Variants in DYNC1I1 observed in about 807,000 individuals in gnomAD.
DYNC1I1 encodes dynein cytoplasmic 1 intermediate chain 1.
Under a neutral mutation model 86.6 loss-of-function variants are expected in DYNC1I1, and 43 were observed. The ratio of observed to expected loss-of-function variants is 0.50; its 90% CI spans 0.39 to 0.64. DYNC1I1 has a LOEUF of 0.64. Among genes scored for constraint, DYNC1I1 ranks in the 30% least tolerant of loss-of-function variants. DYNC1I1 has a pLI of 0.00. For synonymous variants in DYNC1I1, 262 were observed against 283.7 expected, an observed-to-expected ratio of 0.92 and a Z score of 0.77; for missense variants, 604 against 788.8, an observed-to-expected ratio of 0.77 and a Z score of 2.81.
At chr7:95,933,758 T>C (rs1315283337) in intron 6 of DYNC1I1, among the ~76,000 whole-genome samples, 1 of 152,128 alleles carries the variant, frequency 6.6e-6, no homozygotes, top group African/African-American at 2.4e-5. Flanking sequence ...TTAAAGTGAA[T>C]GAGACACCTG....
chr7:96,011,501 A>G (rs907366683), intron 10 of DYNC1I1, among the ~76,000 whole-genome samples: 15 of 152,188 alleles, frequency 9.9e-5, no homozygotes, highest in African/African-American at 3.4e-4. Context: ...TAAATAACCT[A>G]CTAGAACTAT....
chr7:95,980,841 T>C lies in DYNC1I1; in HGVS notation c.580+3240T>C, dbSNP rs1312453251. Reference sequence around the variant, plus strand: ...CAATACAACTGGGAACCTAACATTTTTGTAAATACAAATCAACTCATAAAC... The same window carrying C: ...CAATACAACTGGGAACCTAACATTTCTGTAAATACAAATCAACTCATAAAC... On this transcript the variant is annotated intron_variant, in intron 7 of 16. Transcript: ENST00000447467. Among the ~76,000 whole-genome samples the C allele has an allele frequency of 3.3e-5, 5 of 152,268 alleles. 1 individual carries two copies. In the South Asian group the frequency reaches 1.0e-3, roughly 32 times the overall value.
At chr7:95,898,228 T>C (rs1790938969) in intron 6 of DYNC1I1, among the ~76,000 whole-genome samples, 1 of 152,214 alleles carries the variant, frequency 6.6e-6, no homozygotes. Flanking sequence ...ATGATTTGAA[T>C]ATCAAACTTG....
chr7:96,106,534 T>C (rs1211979133), intron 16 of DYNC1I1, among the ~76,000 whole-genome samples: 1 of 151,784 alleles, frequency 6.6e-6, no homozygotes. Flanking sequence ...AAACCCTGTC[T>C]CAAAAAAAAG....
intron 6 of DYNC1I1, among the ~76,000 whole-genome samples, chr7:95,959,002 T>C (rs6943734): frequency 0.39 from 58,594 of 151,844 alleles, 12,201 homozygotes; most frequent in Non-Finnish European, 0.47. Context: ...AACTGAGGGG[T>C]CAGGGTAAAT....
chr7:96,074,875 C>T (rs954105650), intron 14 of DYNC1I1, among the ~76,000 whole-genome samples: 3 of 152,294 alleles, frequency 2.0e-5, no homozygotes, highest in Admixed American at 1.3e-4. Context: ...GATCTTATTA[C>T]TCTGGCCTGT....
At chr7:95,981,261 T>C in intron 7 of DYNC1I1, among the ~76,000 whole-genome samples, 1 of 151,888 alleles carries the variant, frequency 6.6e-6, no homozygotes, top group African/African-American at 2.4e-5. Flanking sequence ...GTAGTATAAA[T>C]TAATTAAAGA....
chr7:96,060,994 CA>C (rs775514937), intron 14 of DYNC1I1, among the ~76,000 whole-genome samples: 7 of 152,088 alleles, frequency 4.6e-5, no homozygotes, highest in Non-Finnish European at 1.0e-4. Flanking sequence ...TGTGTTCTGT[CA>C]GTGTTTGAGA....
chr7:95,826,255 T>C (rs1562909280), intron 4 of DYNC1I1, among the ~76,000 whole-genome samples: 1 of 152,178 alleles, frequency 6.6e-6, no homozygotes. Context: ...AGGTTCTATG[T>C]AAAAAGACAA....
intron 9 of DYNC1I1, among the ~76,000 whole-genome samples, chr7:95,993,361 A>G (rs1035815761): frequency 1.3e-5 from 2 of 152,206 alleles, no homozygotes; most frequent in Middle Eastern, 3.2e-3. Flanking sequence ...TTTAAATGGA[A>G]AAAGAAAAGC....
chr7:95,801,246 T>A (rs1275598280), intron 1 of DYNC1I1, among the ~76,000 whole-genome samples: 2 of 152,218 alleles, frequency 1.3e-5, no homozygotes, highest in Admixed American at 1.3e-4. Context: ...TTTTTTTAAG[T>A]TCCCTCAATG....
chr7:96,081,994 C>G (rs945023439), intron 16 of DYNC1I1, among the ~76,000 whole-genome samples: 3 of 152,108 alleles, frequency 2.0e-5, no homozygotes, highest in Admixed American at 6.5e-5. Flanking sequence ...ATACCACAAG[C>G]TGAGTTCCAA....
At chr7:96,059,926 T>A (rs901731008) in intron 14 of DYNC1I1, among the ~76,000 whole-genome samples, 6 of 152,234 alleles carry the variant, frequency 3.9e-5, no homozygotes, top group African/African-American at 7.2e-5. Flanking sequence ...TTTGGCCTAC[T>A]AAGTGGCTTA....
intron 4 of DYNC1I1, among the ~76,000 whole-genome samples, chr7:95,826,078 G>A (rs1206689332): frequency 6.6e-6 from 1 of 152,204 alleles, no homozygotes; most frequent in East Asian, 1.9e-4. Context: ...GTATGTCCTG[G>A]AGCGTGTTTG....
chr7:95,929,454 T>G (rs972297890), intron 6 of DYNC1I1, among the ~76,000 whole-genome samples: 1 of 152,230 alleles, frequency 6.6e-6, no homozygotes, highest in Non-Finnish European at 1.5e-5. Context: ...CTAAAGCTTG[T>G]CATATTTTTC....
intron 7 of DYNC1I1, among the ~76,000 whole-genome samples, chr7:95,978,433 G>A (rs1187393763): frequency 6.6e-6 from 1 of 152,162 alleles, no homozygotes; most frequent in Non-Finnish European, 1.5e-5. Context: ...ACCCAATTTT[G>A]TATTACTTTG....
chr7:96,012,702 T>G (rs1454304179), intron 10 of DYNC1I1, among the ~76,000 whole-genome samples: 1 of 152,138 alleles, frequency 6.6e-6, no homozygotes, highest in Admixed American at 6.5e-5. Context: ...AATTTACATA[T>G]ACTTTGAAGT....
intron 12 of DYNC1I1, among the ~76,000 whole-genome samples, chr7:96,033,842 T>C (rs968367009): frequency 2.0e-5 from 3 of 152,036 alleles, no homozygotes; most frequent in Non-Finnish European, 2.9e-5. Flanking sequence ...AGACCCTTTT[T>C]CTACTAAAAC....
At chr7:95,974,363 T>C (rs1451620428) in intron 6 of DYNC1I1, among the ~76,000 whole-genome samples, 1 of 152,330 alleles carries the variant, frequency 6.6e-6, no homozygotes, top group East Asian at 1.9e-4. Flanking sequence ...AAGGCAATGT[T>C]TGTTTTGAAG....
Sources: allele counts gnomAD v4.1 joint callset (sites outside exome capture counted in the v4.1 genomes callset), GRCh38; gene constraint gnomAD v4.1.1; transcripts MANE v1.5; gene names NCBI Gene and HGNC (gene_info 2026-07-23, HGNC 2026-07-21).